Variants in TSGA10 observed in about 807,000 individuals in gnomAD.
The protein encoded by TSGA10 is testis-specific gene 10 protein.
TSGA10 carries 43 observed loss-of-function variants against 96.6 expected under a neutral mutation model. The observed-to-expected ratio is 0.44, with a 90% CI of 0.35 to 0.57. TSGA10 has a LOEUF of 0.57. Ranked by LOEUF, TSGA10 falls within the 20% of genes least tolerant of loss-of-function variation. TSGA10 has a pLI of 0.01. For missense variants in TSGA10, 703 were observed against 834.4 expected (o/e 0.84, Z 1.94); for synonymous variants, 229 against 269.9 (o/e 0.85, Z 1.48).
rs1437818204 is a variant in TSGA10, at chr2:99,101,460, C to T, written c.611+2507G>A. ...TGGGATTACAGGCATGAGCCACTGT[C>T]CCCAGCCCAAGACAAGCTTTCTTGG... On this transcript the variant is annotated intron_variant, in intron 10 of 20. Transcript: ENST00000393483. Among the ~76,000 whole-genome samples, 7 of 151,876 alleles carry T rather than the reference C, an allele frequency of 4.6e-5. No homozygotes were observed. In the South Asian group the frequency reaches 6.2e-4, roughly 13 times the overall value.
intron 2 of TSGA10, among the ~76,000 whole-genome samples, chr2:99,119,585 C>A (rs1360689309): frequency 6.6e-6 from 1 of 152,170 alleles, no homozygotes; most frequent in Non-Finnish European, 1.5e-5. Context: ...TGAGAATCCT[C>A]AAGGAAAACC....
intron 2 of TSGA10, among the ~76,000 whole-genome samples, chr2:99,120,358 C>T (rs1197181426): frequency 2.6e-5 from 4 of 152,000 alleles, no homozygotes; most frequent in Non-Finnish European, 5.9e-5. Flanking sequence ...CTCTGGACTT[C>T]GGCAGAGTTA....
intron 20 of TSGA10, among the ~76,000 whole-genome samples, chr2:99,010,560 A>C (rs1239993357): frequency 6.6e-6 from 1 of 152,254 alleles, no homozygotes; most frequent in Non-Finnish European, 1.5e-5. Context: ...AAGTAGAAGT[A>C]GCAGCAGGAA....
chr2:99,009,458 G>C (rs1256714391), intron 20 of TSGA10, among the ~76,000 whole-genome samples: 1 of 151,304 alleles, frequency 6.6e-6, no homozygotes, highest in Non-Finnish European at 1.5e-5. Flanking sequence ...TGTAGTCCCA[G>C]CTACTCAGGA....
intron 4 of TSGA10, among the ~76,000 whole-genome samples, chr2:99,116,414 G>T (rs1451522709): frequency 6.6e-6 from 1 of 152,150 alleles, no homozygotes; most frequent in Non-Finnish European, 1.5e-5. Context: ...AAAACAATGT[G>T]ATGGTGGCAC....
intron 16 of TSGA10, among the ~76,000 whole-genome samples, chr2:99,045,339 G>C (rs565585457): frequency 3.8e-4 from 58 of 152,222 alleles, no homozygotes; most frequent in South Asian, 6.2e-4. Flanking sequence ...AGAAAGAAAG[G>C]TCGGGTTACC....
chr2:99,142,479 A>C (rs1409131663), intron 1 of TSGA10: 1 of 152,226 alleles, frequency 6.6e-6, no homozygotes, highest in Non-Finnish European at 1.5e-5. Context: ...TTTAGTCATA[A>C]AAATACATTT....
At chr2:99,135,440 G>T (rs2093285391) in intron 1 of TSGA10, among the ~76,000 whole-genome samples, 1 of 152,200 alleles carries the variant, frequency 6.6e-6, no homozygotes, top group African/African-American at 2.4e-5. Context: ...GCTGCAGACA[G>T]AATAGAACAG....
intron 20 of TSGA10, among the ~76,000 whole-genome samples, chr2:99,006,649 G>A (rs1353293345): frequency 6.6e-6 from 1 of 152,174 alleles, no homozygotes; most frequent in African/African-American, 2.4e-5. Context: ...GAAACAACAG[G>A]TGCTGGAGAG....
At chr2:99,109,336 A>C in intron 6 of TSGA10, 53 bp downstream of exon 6, 1 of 1,544,730 alleles carries the variant, frequency 6.5e-7, no homozygotes, top group Non-Finnish European at 8.9e-7. Flanking sequence ...AAAGAATAAA[A>C]GCCAGTGTCT....
At chr2:99,080,344 G>C (rs12620997) in intron 11 of TSGA10, among the ~76,000 whole-genome samples, 8,858 of 152,108 alleles carry the variant, frequency 0.058, 484 homozygotes, top group East Asian at 0.21. Context: ...TTCGCTTTCT[G>C]GTCTTCCAAA....
chr2:99,027,952 T>C (rs550359700), intron 17 of TSGA10, among the ~76,000 whole-genome samples: 1 of 152,324 alleles, frequency 6.6e-6, no homozygotes, highest in East Asian at 1.9e-4. Flanking sequence ...CTTATTTCCT[T>C]ATTTATTTGT....
At chr2:99,126,729 G>C (rs1239717309) in intron 2 of TSGA10, 1 of 174,300 alleles carries the variant, frequency 5.7e-6, no homozygotes, top group East Asian at 1.8e-4. Flanking sequence ...TGTTACTCAA[G>C]TGTCATAATT....
At chr2:99,022,023 T>C (rs1201972346) in intron 17 of TSGA10, among the ~76,000 whole-genome samples, 1 of 152,066 alleles carries the variant, frequency 6.6e-6, no homozygotes, top group Non-Finnish European at 1.5e-5. Flanking sequence ...AACTTTTTCA[T>C]CATCCCAAAA....
intron 10 of TSGA10, among the ~76,000 whole-genome samples, chr2:99,089,434 A>G (rs377746701): frequency 5.9e-5 from 9 of 152,202 alleles, no homozygotes; most frequent in African/African-American, 1.9e-4. Context: ...GCTCAAGTGC[A>G]GATGCAGGCA....
At chr2:99,108,534 C>A (rs2091542821) in intron 7 of TSGA10, among the ~76,000 whole-genome samples, 1 of 151,934 alleles carries the variant, frequency 6.6e-6, no homozygotes, top group Non-Finnish European at 1.5e-5. Context: ...ATCTTTTTAC[C>A]TTGAACTCAT....
chr2:99,035,693 A>G (rs1052998774), intron 16 of TSGA10, among the ~76,000 whole-genome samples: 1 of 151,930 alleles, frequency 6.6e-6, no homozygotes, highest in African/African-American at 2.4e-5. Context: ...TTAGGAAAAA[A>G]AAACCTTTCC....
intron 20 of TSGA10, among the ~76,000 whole-genome samples, chr2:98,999,287 T>C (rs1368747781): frequency 6.6e-6 from 1 of 152,166 alleles, no homozygotes; most frequent in Non-Finnish European, 1.5e-5. Context: ...CAACTACTAA[T>C]ACATGCAACA....
chr2:99,109,675 C>T (rs2091644279), intron 5 of TSGA10, 163 bp from the exon 6 acceptor site: 7 of 406,626 alleles, frequency 1.7e-5, no homozygotes, highest in Non-Finnish European at 2.7e-5. Flanking sequence ...TTTTTAAATA[C>T]AACATTTAAA....
Sources: gnomAD v4.1 joint callset for allele counts (sites outside exome capture counted in the v4.1 genomes callset) on GRCh38, gnomAD v4.1.1 for gene constraint, MANE v1.5 for transcripts, NCBI Gene and HGNC (gene_info 2026-07-23, HGNC 2026-07-21) for gene names.